TSPAN18: variants seen among roughly 807,000 people sequenced by gnomAD.
The protein encoded by TSPAN18 is tetraspanin-18.
A neutral mutation model predicts 27.3 loss-of-function variants in TSPAN18; 14 were observed. The ratio of observed to expected loss-of-function variants is 0.51; its 90% CI spans 0.34 to 0.80. The LOEUF (loss-of-function observed/expected upper bound fraction) is 0.80, where lower values mean the gene tolerates loss of function less well. Among genes scored for constraint, TSPAN18 ranks in the 30% least tolerant of loss-of-function variants. The pLI, the probability that TSPAN18 is intolerant of heterozygous loss-of-function variation, is 0.01. For missense variants in TSPAN18, 268 were observed against 323.9 expected (o/e 0.83, Z 1.32); for synonymous variants, 143 against 136.5 (o/e 1.05, Z -0.33).
intron 1 of TSPAN18, among the ~76,000 whole-genome samples, chr11:44,747,531 C>T (rs960247784): frequency 3.9e-5 from 6 of 152,130 alleles, no homozygotes; most frequent in South Asian, 2.1e-4. Context: ...GTGAATATGA[C>T]GGTTGCCATT....
intron 3 of TSPAN18, among the ~76,000 whole-genome samples, chr11:44,868,756 A>G (rs2135232797): frequency 6.6e-6 from 1 of 152,212 alleles, no homozygotes; most frequent in South Asian, 2.1e-4. Flanking sequence ...AGAACCGGAG[A>G]GGGGGAAGGT....
intron 1 of TSPAN18, among the ~76,000 whole-genome samples, chr11:44,755,378 C>T (rs570403919): frequency 1.1e-4 from 17 of 152,202 alleles, no homozygotes; most frequent in Admixed American, 8.5e-4. Flanking sequence ...CTGATTGGGA[C>T]TCATTCTGGG....
At chr11:44,770,112 G>T (rs939682338) in intron 2 of TSPAN18, among the ~76,000 whole-genome samples, 1 of 152,206 alleles carries the variant, frequency 6.6e-6, no homozygotes, top group Non-Finnish European at 1.5e-5. Context: ...ACCTGGCACT[G>T]CTCTACATGC....
intron 1 of TSPAN18, among the ~76,000 whole-genome samples, chr11:44,764,045 A>AAG (rs749863740): frequency 6.6e-6 from 1 of 151,882 alleles, no homozygotes; most frequent in Non-Finnish European, 1.5e-5. Context: ...GGACAGGAGA[A>AAG]AGAGAGAGAG....
chr11:44,795,703 G>A (rs1411411935), intron 2 of TSPAN18, among the ~76,000 whole-genome samples: 2 of 151,754 alleles, frequency 1.3e-5, no homozygotes, highest in African/African-American at 2.4e-5. Context: ...CCCAGGAGCC[G>A]GAAGAAAGGA....
chr11:44,841,577 A>G (rs1345758357), intron 2 of TSPAN18, among the ~76,000 whole-genome samples: 1 of 152,168 alleles, frequency 6.6e-6, no homozygotes. Flanking sequence ...ATTTTTTTAA[A>G]ATAAGAAAGG....
At chr11:44,913,532 A>G (rs1391287461) in intron 5 of TSPAN18, among the ~76,000 whole-genome samples, 1 of 152,254 alleles carries the variant, frequency 6.6e-6, no homozygotes, top group Non-Finnish European at 1.5e-5. Context: ...TTTTAAAAAT[A>G]TTTTATAATG....
intron 7 of TSPAN18, chr11:44,919,603 G>A (rs1022230475): frequency 4.8e-6 from 3 of 618,964 alleles, no homozygotes; most frequent in African/African-American, 1.8e-5. Flanking sequence ...GGTGAGGTAG[G>A]AATTGTTACT....
chr11:44,810,399 G>A (rs1053075144), intron 2 of TSPAN18, among the ~76,000 whole-genome samples: 18 of 152,068 alleles, frequency 1.2e-4, no homozygotes, highest in African/African-American at 3.9e-4. Flanking sequence ...GGCCTTTTGT[G>A]TCTGGCTTCT....
intron 2 of TSPAN18, among the ~76,000 whole-genome samples, chr11:44,776,820 T>G (rs1855820717): frequency 6.6e-6 from 1 of 152,194 alleles, no homozygotes; most frequent in Non-Finnish European, 1.5e-5. Context: ...GCCATTGTCA[T>G]CCTAGGACCT....
At chr11:44,748,410 A>C (rs1855132765) in intron 1 of TSPAN18, among the ~76,000 whole-genome samples, 1 of 151,994 alleles carries the variant, frequency 6.6e-6, no homozygotes, top group African/African-American at 2.4e-5. Context: ...AAGAAAAAAA[A>C]AAAAAAGAGA....
At chr11:44,926,834 C>G (rs1312399716) in intron 9 of TSPAN18, 77 bp downstream of exon 9, 1 of 1,510,056 alleles carries the variant, frequency 6.6e-7, no homozygotes, top group African/African-American at 1.4e-5. Context: ...CCCCAGCCTC[C>G]TTTCCTCTTC....
intron 6 of TSPAN18, among the ~76,000 whole-genome samples, chr11:44,918,965 G>C (rs529614590): frequency 1.1e-4 from 16 of 152,078 alleles, no homozygotes; most frequent in African/African-American, 3.9e-4. Context: ...CAGGTGGAGT[G>C]AGGTCCTCAG....
At chr11:44,831,929 G>C (rs916053326) in intron 2 of TSPAN18, among the ~76,000 whole-genome samples, 2 of 152,160 alleles carry the variant, frequency 1.3e-5, no homozygotes, top group African/African-American at 4.8e-5. Context: ...TCCAGGATAA[G>C]AGGTTCTAAG....
rs72901314 is a variant in TSPAN18 at position 44,882,625 on chromosome 11, C to G, written c.-11+22156C>G. Among the ~76,000 whole-genome samples the G allele has an allele frequency of 7.9e-3, 492 of 62,202 alleles. 1 individual carries two copies. Among genetic ancestry groups the G allele is most frequent in the Middle Eastern group, 0.025 (2 of 80 alleles). The allele number at this position is 62,202 out of a possible 152,430, so 40.8% of individuals were successfully genotyped here. A position where few individuals can be genotyped will look rare whatever the true frequency, so the allele number is the denominator to read the frequency against. On this transcript the variant is annotated intron_variant, in intron 3 of 9. Coordinates refer to ENST00000520358, the MANE Select transcript of TSPAN18 (RefSeq NM_130783.5). The stretch of plus-strand genomic sequence containing the variant: ...ACACACACACACACACACACACACA[C>G]ACAGAGAGAGAGCATGTGCGTGCAT...
At chr11:44,764,617 T>A (rs1049941551) in intron 2 of TSPAN18, 105 bp downstream of exon 2, 11 of 152,310 alleles carry the variant, frequency 7.2e-5, no homozygotes, top group African/African-American at 2.4e-4. Context: ...CACTTCCATG[T>A]GAGAGGGCTC....
At position 44,747,468 on chromosome 11, in the gene TSPAN18, G is replaced by C. The variant is rs528064178; in HGVS notation, c.-239-16958G>C. Among the ~76,000 whole-genome samples the C allele has an allele frequency of 2.0e-5, 3 of 152,288 alleles. No individual in the cohort carries two copies. In the South Asian group the frequency reaches 6.2e-4, roughly 32 times the overall value. On this transcript the variant is annotated intron_variant, in intron 1 of 9. Transcript: ENST00000520358. Reference sequence around the variant, plus strand: ...CTTAGGGCTGCTATGAGGAGGGACTGTTTGTACTGAGCCTGGTTTGTACTG... The same window carrying C: ...CTTAGGGCTGCTATGAGGAGGGACTCTTTGTACTGAGCCTGGTTTGTACTG...
chr11:44,747,416 G>A (rs1188908913), intron 1 of TSPAN18, among the ~76,000 whole-genome samples: 1 of 152,176 alleles, frequency 6.6e-6, no homozygotes, highest in Non-Finnish European at 1.5e-5. Flanking sequence ...GGCTTATCTG[G>A]AAAATGGGCG....
intron 2 of TSPAN18, among the ~76,000 whole-genome samples, chr11:44,767,553 C>G (rs1855597131): frequency 6.6e-6 from 1 of 152,222 alleles, no homozygotes. Flanking sequence ...GTTTTTATCT[C>G]CCCTGCCCAT....
Sources: allele counts gnomAD v4.1 joint callset (sites outside exome capture counted in the v4.1 genomes callset), GRCh38; gene constraint gnomAD v4.1.1; transcripts MANE v1.5; gene names NCBI Gene and HGNC (gene_info 2026-07-23, HGNC 2026-07-21).